IFT74: variants seen among roughly 807,000 people sequenced by gnomAD.
IFT74 encodes the protein intraflagellar transport 74, also known as intraflagellar transport protein 74 homolog.
Under a neutral mutation model 96.7 loss-of-function variants are expected in IFT74, and 92 were observed. The observed-to-expected ratio is 0.95, with a 90% CI of 0.80 to 1.13. The LOEUF is 1.13. Ranked by LOEUF, IFT74 falls within the 50% of genes most tolerant of loss-of-function variation. IFT74 has a pLI of 0.00. For synonymous variants in IFT74, 223 were observed against 213.2 expected, an observed-to-expected ratio of 1.05 and a Z score of -0.40; for missense variants, 811 against 698.2, an observed-to-expected ratio of 1.16 and a Z score of -1.82.
intron 4 of IFT74, 114 bp from the exon 5 acceptor site, chr9:26,984,143 A>T (rs1230558571): frequency 4.8e-6 from 4 of 831,146 alleles, no homozygotes; most frequent in Non-Finnish European, 7.0e-6. Context: ...CTTTTAGTGA[A>T]TTTCACAAAA....
intron 12 of IFT74, among the ~76,000 whole-genome samples, chr9:27,022,502 C>T (rs1428766983): frequency 6.6e-6 from 1 of 152,112 alleles, no homozygotes; most frequent in African/African-American, 2.4e-5. Flanking sequence ...TCTATGATTT[C>T]TTTCGGCAGT....
chr9:27,036,217 G>T (rs1221362774), intron 13 of IFT74, among the ~76,000 whole-genome samples: 1 of 152,136 alleles, frequency 6.6e-6, no homozygotes, highest in African/African-American at 2.4e-5. Context: ...GTTTGGTCTT[G>T]CTATCTCAGG....
At chr9:27,007,220 A>G (rs571742902) in intron 8 of IFT74, among the ~76,000 whole-genome samples, 41 of 152,264 alleles carry the variant, frequency 2.7e-4, no homozygotes, top group Non-Finnish European at 5.1e-4. Flanking sequence ...CATCAAAAAG[A>G]CCTTACACCT....
At position 27,062,643 on chromosome 9, in the gene IFT74, T is replaced by G. The variant is rs1179070994; in HGVS notation, c.1710T>G (p.Ser570Arg). The G allele has an allele frequency of 2.5e-6, 4 of 1,606,390 alleles. No individual in the cohort carries two copies. Among genetic ancestry groups the G allele is most frequent in the Non-Finnish European group, 3.4e-6 (4 of 1,174,886 alleles). Residue 570 changes from serine (S) to arginine (R), a missense_variant, in exon 20 of 20, where the codon AGT becomes AGG. Transcript: ENST00000380062. ...TCATAGCAACCAAGAGTCAAGAGAGTGATTACCAGCCAATTAAGAAAAATG... is the reference window on the plus strand; with the variant it reads ...TCATAGCAACCAAGAGTCAAGAGAGGGATTACCAGCCAATTAAGAAAAATG... ...KEFIATKSQE[S>R]DYQPIKKNVT...
At chr9:26,985,456 A>T (rs1337564234) in intron 6 of IFT74, among the ~76,000 whole-genome samples, 1 of 152,188 alleles carries the variant, frequency 6.6e-6, no homozygotes, top group East Asian at 1.9e-4. Context: ...AATTTCAAAA[A>T]TTTCAAAAAC....
rs1472546068 is a variant in IFT74 at position 27,056,349 on chromosome 9, A to G, written c.1513A>G (p.Arg505Gly). 7 of 1,582,492 alleles carry G rather than the reference A, an allele frequency of 4.4e-6. No individual in the cohort carries two copies. Among genetic ancestry groups the G allele is most frequent in the Non-Finnish European group, 6.0e-6 (7 of 1,158,244 alleles). ...EEKIKKLHQE[R>G]MILSTHRNAF... ...ATCTTTCTAGAAATTACATCAGGAG[A>G]GAATGATATTATCAACCCACAGAAA... Residue 505 changes from arginine to glycine, a missense_variant, in exon 18 of 20, where the codon AGA becomes GGA. Physicochemically the swap from Arg to Gly is moderately radical, Grantham distance 125 (BLOSUM62 -2). Coordinates refer to ENST00000380062, the MANE Select transcript of IFT74 (RefSeq NM_025103.4).
At chr9:27,026,299 T>C (rs1272490817) in intron 12 of IFT74, among the ~76,000 whole-genome samples, 1 of 152,168 alleles carries the variant, frequency 6.6e-6, no homozygotes, top group Non-Finnish European at 1.5e-5. Context: ...TAAATCTATA[T>C]GCACCTAACA....
intron 8 of IFT74, among the ~76,000 whole-genome samples, chr9:27,003,646 C>G (rs1828622492): frequency 6.6e-6 from 1 of 152,174 alleles, no homozygotes; most frequent in Non-Finnish European, 1.5e-5. Flanking sequence ...AGTCAACTTC[C>G]TCATTGCCTT....
intron 9 of IFT74, among the ~76,000 whole-genome samples, chr9:27,009,785 T>C (rs1229124187): frequency 6.6e-6 from 1 of 152,202 alleles, no homozygotes; most frequent in Non-Finnish European, 1.5e-5. Context: ...TGAATGGCTA[T>C]TGTCCTGTAA....
intron 13 of IFT74, among the ~76,000 whole-genome samples, chr9:27,035,775 A>T (rs1819152831): frequency 6.6e-6 from 1 of 152,250 alleles, no homozygotes; most frequent in Non-Finnish European, 1.5e-5. Flanking sequence ...TTTATACAAT[A>T]TGTAAAAATT....
At chr9:26,969,669 A>G (rs1255584973) in intron 2 of IFT74, among the ~76,000 whole-genome samples, 1 of 151,326 alleles carries the variant, frequency 6.6e-6, no homozygotes, top group Non-Finnish European at 1.5e-5. Context: ...CTGTCTTTTT[A>G]TCTTTATGTT....
intron 9 of IFT74, among the ~76,000 whole-genome samples, chr9:27,010,193 G>A (rs188108139): frequency 6.6e-6 from 1 of 151,902 alleles, no homozygotes; most frequent in East Asian, 2.0e-4. Flanking sequence ...GTTTCACCGT[G>A]TTAGTCAGGA....
chr9:27,056,502 A>G (rs1390396877), intron 18 of IFT74, 43 bp downstream of exon 18: 1 of 1,512,048 alleles, frequency 6.6e-7, no homozygotes, highest in East Asian at 2.4e-5. Context: ...CTTAGTCTAT[A>G]TTTTCACCCC....
At chr9:27,008,013 A>G (rs1375413015) in intron 8 of IFT74, among the ~76,000 whole-genome samples, 1 of 152,198 alleles carries the variant, frequency 6.6e-6, no homozygotes, top group Admixed American at 6.5e-5. Flanking sequence ...AAAAATGGTT[A>G]TTGCTTCTAA....
At chr9:27,035,945 C>G (rs1819160262) in intron 13 of IFT74, among the ~76,000 whole-genome samples, 1 of 152,168 alleles carries the variant, frequency 6.6e-6, no homozygotes, top group Admixed American at 6.5e-5. Context: ...CCATGTATAA[C>G]TTTTGACTCC....
chr9:27,059,574 A>C (rs1457596319), intron 18 of IFT74, among the ~76,000 whole-genome samples: 1 of 152,232 alleles, frequency 6.6e-6, no homozygotes, highest in Non-Finnish European at 1.5e-5. Flanking sequence ...TTACTGCCAG[A>C]AACTGCTGAC....
At chr9:26,995,243 G>A (rs1563958433) in intron 8 of IFT74, 3 of 223,280 alleles carry the variant, frequency 1.3e-5, no homozygotes, top group Non-Finnish European at 8.9e-6. Context: ...GAATAATTTA[G>A]ACCTTTTTAC....
intron 8 of IFT74, 67 bp downstream of exon 8, chr9:26,990,262 C>A: frequency 1.3e-6 from 1 of 751,414 alleles, no homozygotes; most frequent in Non-Finnish European, 2.0e-6. Flanking sequence ...AGTTGTGATC[C>A]AGTTATTTCC....
intron 2 of IFT74, among the ~76,000 whole-genome samples, chr9:26,965,704 G>A (rs1432399651): frequency 6.6e-6 from 1 of 152,056 alleles, no homozygotes; most frequent in African/African-American, 2.4e-5. Context: ...ATGTAATGAT[G>A]AAGTGTGGGC....
Sources: gnomAD v4.1 joint callset for allele counts (sites outside exome capture counted in the v4.1 genomes callset) on GRCh38, gnomAD v4.1.1 for gene constraint, MANE v1.5 for transcripts, NCBI Gene and HGNC (gene_info 2026-07-23, HGNC 2026-07-21) for gene names.